The following OXR1 variants were observed in gnomAD, a reference collection of about 807,000 sequenced individuals.
OXR1 encodes the protein oxidation resistance protein 1.
A neutral mutation model predicts 104.6 loss-of-function variants in OXR1; 41 were observed. The ratio of observed to expected loss-of-function variants is 0.39; its 90% CI spans 0.31 to 0.51. The LOEUF (loss-of-function observed/expected upper bound fraction) is 0.51. Among genes scored for constraint, OXR1 ranks in the 20% least tolerant of loss-of-function variants. The pLI is 0.77. For synonymous variants in OXR1, 348 were observed against 348.4 expected (o/e 1.00, Z 0.01); for missense variants, 955 against 1,031.9 (o/e 0.93, Z 1.02).
intron 2 of OXR1, chr8:106,448,130 C>A: frequency 7.1e-7 from 1 of 1,417,454 alleles, no homozygotes; most frequent in Non-Finnish European, 9.6e-7. Context: ...TATAAAATAG[C>A]TCTCTGATTT....
chr8:106,638,922 C>A (rs201916825), intron 3 of OXR1, among the ~76,000 whole-genome samples: 1 of 148,484 alleles, frequency 6.7e-6, no homozygotes. Context: ...TATAAAACAA[C>A]ACAACAAAAA....
chr8:106,488,794 G>T (rs1354914150), intron 2 of OXR1, among the ~76,000 whole-genome samples: 1 of 148,518 alleles, frequency 6.7e-6, no homozygotes, highest in Non-Finnish European at 1.5e-5. Flanking sequence ...TCTCTGTTTT[G>T]GTACCAGTAC....
At chr8:106,726,195 A>G in intron 11 of OXR1, 1 of 1,499,928 alleles carries the variant, frequency 6.7e-7, no homozygotes, top group Non-Finnish European at 8.8e-7. Context: ...ATGCTTTTGA[A>G]AACAGTTCTT....
At chr8:106,593,761 G>C (rs1437862078) in intron 3 of OXR1, among the ~76,000 whole-genome samples, 1 of 152,176 alleles carries the variant, frequency 6.6e-6, no homozygotes, top group Non-Finnish European at 1.5e-5. Context: ...GGGCGACAGA[G>C]CGAGACTCCA....
intron 1 of OXR1, among the ~76,000 whole-genome samples, chr8:106,278,387 T>A (rs1812145557): frequency 6.6e-6 from 1 of 152,130 alleles, no homozygotes; most frequent in Non-Finnish European, 1.5e-5. Context: ...CTTACTAACC[T>A]CTGGTCCTTC....
intron 3 of OXR1, among the ~76,000 whole-genome samples, chr8:106,523,744 A>T (rs1463533622): frequency 2.6e-5 from 4 of 152,002 alleles, no homozygotes; most frequent in African/African-American, 4.8e-5. Context: ...GTGGAGTAGC[A>T]CTAATAGGTA....
At chr8:106,440,020 A>G (rs542742070) in intron 2 of OXR1, among the ~76,000 whole-genome samples, 1 of 152,224 alleles carries the variant, frequency 6.6e-6, no homozygotes, top group East Asian at 1.9e-4. Context: ...GGCATGAAGA[A>G]AATTTCACTG....
intron 3 of OXR1, among the ~76,000 whole-genome samples, chr8:106,564,411 A>G (rs1371603832): frequency 1.3e-5 from 2 of 151,826 alleles, no homozygotes; most frequent in East Asian, 3.9e-4. Context: ...CTGGACACAT[A>G]CACACACACA....
At chr8:106,404,215 G>C (rs1004007120) in intron 2 of OXR1, among the ~76,000 whole-genome samples, 5 of 152,100 alleles carry the variant, frequency 3.3e-5, no homozygotes, top group African/African-American at 1.2e-4. Flanking sequence ...TGGGAGTGGG[G>C]AGGCCACTTC....
intron 3 of OXR1, among the ~76,000 whole-genome samples, chr8:106,639,592 A>G (rs1451608559): frequency 2.0e-5 from 3 of 152,210 alleles, no homozygotes; most frequent in Admixed American, 1.3e-4. Context: ...GTGCCTAAAA[A>G]GAAGGAAAAG....
intron 2 of OXR1, among the ~76,000 whole-genome samples, chr8:106,372,301 CA>C (rs1296480820): frequency 1.3e-5 from 2 of 152,214 alleles, no homozygotes; most frequent in Non-Finnish European, 1.5e-5. Context: ...CCTGCCACAC[CA>C]CACTGTTCTT....
chr8:106,739,332 A>T, intron 12 of OXR1, 126 bp from the exon 13 acceptor site: 1 of 801,002 alleles, frequency 1.2e-6, no homozygotes. Context: ...TGCCCTATAA[A>T]ATCTTAAGGT....
At chr8:106,430,368 T>G (rs1349580225) in intron 2 of OXR1, among the ~76,000 whole-genome samples, 1 of 152,180 alleles carries the variant, frequency 6.6e-6, no homozygotes, top group Non-Finnish European at 1.5e-5. Context: ...CCTATCTGAT[T>G]TCATTTCAGA....
chr8:106,602,192 T>C (rs1820022682), intron 3 of OXR1, among the ~76,000 whole-genome samples: 1 of 152,060 alleles, frequency 6.6e-6, no homozygotes, highest in Non-Finnish European at 1.5e-5. Context: ...TAGTAAATTG[T>C]GAGAGAATAA....
chr8:106,749,852 T>C (rs1222922060), intron 16 of OXR1, among the ~76,000 whole-genome samples: 1 of 152,078 alleles, frequency 6.6e-6, no homozygotes, highest in Non-Finnish European at 1.5e-5. Context: ...TGTTTTCCCC[T>C]CTCGGTTATG....
chr8:106,556,549 C>A (rs1295822551), intron 3 of OXR1, among the ~76,000 whole-genome samples: 1 of 152,058 alleles, frequency 6.6e-6, no homozygotes, highest in African/African-American at 2.4e-5. Flanking sequence ...TATCTCTCAG[C>A]CTCATTTGCT....
At chr8:106,576,098 A>C (rs1205720122) in intron 3 of OXR1, among the ~76,000 whole-genome samples, 1 of 152,024 alleles carries the variant, frequency 6.6e-6, no homozygotes, top group Non-Finnish European at 1.5e-5. Flanking sequence ...TAGCTCATCT[A>C]TTCAAAGATT....
chr8:106,363,557 G>GT (rs112875800), intron 2 of OXR1, among the ~76,000 whole-genome samples: 2,769 of 141,522 alleles, frequency 0.02, 69 homozygotes, highest in African/African-American at 0.056. Context: ...GCATATATTC[G>GT]TTTTTTTTTT....
chr8:106,288,656 C>G (rs1812610195), intron 1 of OXR1, among the ~76,000 whole-genome samples: 1 of 146,940 alleles, frequency 6.8e-6, no homozygotes, highest in South Asian at 2.1e-4. Flanking sequence ...CACACACATA[C>G]TCTATCTATA....
Sources: gnomAD v4.1 joint callset for allele counts (sites outside exome capture counted in the v4.1 genomes callset) on GRCh38, gnomAD v4.1.1 for gene constraint, MANE v1.5 for transcripts, NCBI Gene and HGNC (gene_info 2026-07-23, HGNC 2026-07-21) for gene names.